Variants in RYR1 observed in about 807,000 individuals in gnomAD.
The protein encoded by RYR1 is central core disease of muscle.
A neutral mutation model predicts 583.5 loss-of-function variants in RYR1; 342 were observed. The observed-to-expected ratio is 0.59, with a 90% CI of 0.54 to 0.64. The LOEUF (loss-of-function observed/expected upper bound fraction) is 0.64, where lower values mean the gene tolerates loss of function less well. Ranked by LOEUF, RYR1 falls within the 30% of genes least tolerant of loss-of-function variation. The pLI, the probability that RYR1 is intolerant of heterozygous loss-of-function variation, is 0.00. For missense variants in RYR1, 6,032 were observed against 6,917.2 expected (o/e 0.87, Z 4.54); for synonymous variants, 2,791 against 2,822.5 (o/e 0.99, Z 0.35).
chr19:38,558,799 T>TA (rs1210939273), intron 89 of RYR1, among the ~76,000 whole-genome samples: 2 of 144,570 alleles, frequency 1.4e-5, no homozygotes, highest in Admixed American at 1.4e-4. Flanking sequence ...AATAATTTTT[T>TA]AAAAAAATAG....
At chr19:38,528,748 C>T (rs1385981978) in intron 75 of RYR1, 53 bp downstream of exon 75, 65 of 1,577,838 alleles carry the variant, frequency 4.1e-5, no homozygotes, top group Non-Finnish European at 5.1e-5. Flanking sequence ...AGGGCTGGGG[C>T]GGAGGCCACC....
Position 38,489,419 on chromosome 19 carries a change from G to C in RYR1, c.5790G>C (p.Lys1930Asn), listed in dbSNP as rs766612107. Residue 1930 changes from lysine (K) to asparagine (N), a missense_variant, in exon 35 of 106, where the codon AAG (lysine) becomes AAC (asparagine). Physicochemically the swap from Lys to Asn is moderately conservative, Grantham distance 94. Transcript: ENST00000359596. ...EGLEEGLLQMKLPESVKLQMC... is the reference protein window; with the variant it reads ...EGLEEGLLQMNLPESVKLQMC... ...TGGAGGAAGGGCTGCTCCAGATGAA[G>C]TTGCCAGAGTCTGTGAAGTTACAGG... The C allele has an allele frequency of 6.2e-7, 1 of 1,614,034 alleles. No homozygotes were observed. Among genetic ancestry groups the C allele is most frequent in the Admixed American group, 1.7e-5 (1 of 60,012 alleles).
chr19:38,538,587 T>C (rs1972075501), intron 84 of RYR1: 1 of 153,422 alleles, frequency 6.5e-6, no homozygotes, highest in African/African-American at 2.4e-5. Context: ...CAAAGTTCTA[T>C]ACACGTGGTG....
rs116411695 is a variant in RYR1 at position 38,489,106 on chromosome 19, G to A, written c.5548-71G>A. 6.2e-5 allele frequency: 85 copies of A among 1,376,568 alleles called. No homozygotes were observed. The African/African-American group carries it at 1.1e-3, about 18-fold the overall frequency. 85.3% of individuals were successfully genotyped at this position (1,376,568 alleles called of 1,614,324 possible). On this transcript the variant is annotated intron_variant, in intron 34 of 105. Coordinates refer to ENST00000359596, the MANE Select transcript of RYR1 (RefSeq NM_000540.3). ...GGCATGTGCATGAGGGGCAGGTCTG[G>A]AGAATGAGGCCAGGGCCTGATGATG... is the stretch of plus-strand genomic sequence containing the variant.
intron 81 of RYR1, 31 bp from the exon 82 acceptor site, chr19:38,535,966 A>AT: frequency 6.2e-7 from 1 of 1,605,484 alleles, no homozygotes; most frequent in South Asian, 1.1e-5. Context: ...GCTTCATCAC[A>AT]TACCCCCTAT....
chr19:38,572,580 C>A (rs1973770846), intron 95 of RYR1, among the ~76,000 whole-genome samples: 1 of 152,158 alleles, frequency 6.6e-6, no homozygotes, highest in East Asian at 1.9e-4. Flanking sequence ...TTCATACATG[C>A]TATTCCCTCT....
rs150872361 is a variant in RYR1, at chr19:38,500,504, G to C, written c.7324-102G>C. The stretch of plus-strand genomic sequence containing the variant: ...ACTCTAGACAGCCTCCTGAGAAAGA[G>C]GCCTGCTCTACCCTCCTGTGTGGTA... On this transcript the variant is annotated intron_variant, in intron 45 of 105. Transcript: ENST00000359596. This position sits in a 1 kb window ranked among gnomAD's most constrained non-coding sequence, Gnocchi z 5.9. The C allele has an allele frequency of 1.8e-4, 279 of 1,539,448 alleles. No homozygotes were observed. In the Middle Eastern group the frequency reaches 2.1e-3, roughly 12 times the overall value.
chr19:38,457,045 CCAAAAA>C (rs1261406899), intron 16 of RYR1, among the ~76,000 whole-genome samples: 22 of 19,590 alleles, frequency 1.1e-3, no homozygotes, highest in Admixed American at 5.6e-3. Flanking sequence ...GACTCCATCT[CCAAAAA>C]AAAAAAAAAA....
At position 38,535,207 on chromosome 19, in the gene RYR1, C is replaced by T. The variant is rs778533018; in HGVS notation, c.11426C>T (p.Ala3809Val). 2 of 1,613,974 alleles carry T rather than the reference C, an allele frequency of 1.2e-6. No homozygotes were observed. The highest frequency in any genetic ancestry group is 3.3e-5 in the Admixed American group (2 of 59,986). Residue 3809 changes from alanine (A) to valine (V), a missense_variant, in exon 80 of 106, where the codon GCT becomes GTT. By Grantham distance (64) the Ala-to-Val change is moderately conservative. Coordinates refer to ENST00000359596, the MANE Select transcript of RYR1 (RefSeq NM_000540.3). ...ATCTCCATCCTCAATGGAGGCAATGCTGAGGTCCAGCAGGTAACAGAGGCA... is the reference window on the plus strand; with the variant it reads ...ATCTCCATCCTCAATGGAGGCAATGTTGAGGTCCAGCAGGTAACAGAGGCA... ...LGISILNGGNAEVQQKMLDYL... is the reference protein window; with the variant it reads ...LGISILNGGNVEVQQKMLDYL...
At chr19:38,581,373 G>A (rs747613946) in intron 101 of RYR1, among the ~76,000 whole-genome samples, 5 of 152,118 alleles carry the variant, frequency 3.3e-5, no homozygotes, top group Admixed American at 2.6e-4. Context: ...CACTGCGCCC[G>A]GCCAATTTTT....
Position 38,496,255 on chromosome 19 carries a change from C to T in RYR1, c.6589C>T (p.Leu2197=). ...CAAAGTCTTCTACCAACACCCGAAC[C>T]TGATGAGGGCGCTGGGCATGCACGA... ...NNKVFYQHPN[L]MRALGMHETV... The change falls in exon 40 of 106, where the codon CTG becomes TTG. Residue 2197 remains leucine, a synonymous_variant. Coordinates refer to ENST00000359596, the MANE Select transcript of RYR1 (RefSeq NM_000540.3). This position sits in a 1 kb window ranked among gnomAD's most constrained non-coding sequence, Gnocchi z 4.8. The T allele has an allele frequency of 1.2e-6, 2 of 1,613,982 alleles. No homozygotes were observed. The highest frequency in any genetic ancestry group is 1.7e-6 in the Non-Finnish European group (2 of 1,180,046).
chr19:38,531,108 A>C (rs1447835747), intron 76 of RYR1, among the ~76,000 whole-genome samples: 1 of 149,156 alleles, frequency 6.7e-6, no homozygotes, highest in Non-Finnish European at 1.5e-5. Flanking sequence ...TGCTGGGATT[A>C]CAGGCACGAG....
Position 38,506,459 on chromosome 19 carries a change from A to G in RYR1, c.8617-12A>G, listed in dbSNP as rs2145636487. On this transcript the variant is annotated splice_polypyrimidine_tract_variant and intron_variant, in intron 55 of 105. Coordinates refer to ENST00000359596, the MANE Select transcript of RYR1 (RefSeq NM_000540.3). ...CTCTGAATCTAGCCCTTGACTCTGC[A>G]TCCACTCCCAGGCCATGGCAGAACA... The G allele has an allele frequency of 6.2e-7, 1 of 1,614,054 alleles. No homozygotes were observed. The highest frequency in any genetic ancestry group is 8.5e-7 in the Non-Finnish European group (1 of 1,179,994).
chr19:38,469,197 C>A, intron 26 of RYR1, 57 bp downstream of exon 26: 1 of 1,609,350 alleles, frequency 6.2e-7, no homozygotes, highest in Non-Finnish European at 8.5e-7. Context: ...CTCTCCCAAC[C>A]CTGCACTGCC....
chr19:38,452,958 GAGA>G lies in RYR1; in HGVS notation c.1387_1389del (p.Lys463del). ...TCCCTCCGAGGACTTGCAGCACGAG[GAGA>G]AGCAGAGCAAGCTGCGAAGCCTGCG... is the stretch of plus-strand genomic sequence containing the variant. On this transcript the variant is annotated inframe_deletion, in exon 13 of 106. Coordinates refer to ENST00000359596, the MANE Select transcript of RYR1 (RefSeq NM_000540.3). 1.2e-6 allele frequency: 2 copies of G among 1,614,010 alleles called. No homozygotes were observed. Among genetic ancestry groups the G allele is most frequent in the Non-Finnish European group, 1.7e-6 (2 of 1,179,890 alleles).
At chr19:38,562,401 G>A (rs1040042836) in intron 90 of RYR1, among the ~76,000 whole-genome samples, 5 of 151,272 alleles carry the variant, frequency 3.3e-5, no homozygotes, top group Non-Finnish European at 7.4e-5. Flanking sequence ...CTCCCCACAC[G>A]CCCCTGACAC....
rs1389867354 is a variant in RYR1, at chr19:38,463,469, A to G, written c.2624A>G (p.Glu875Gly). ...GAGCGCATTCGGGAGAAGCTGGCGG[A>G]GAACATCCACGAGCTCTGGGCGCTA... is the stretch of plus-strand genomic sequence containing the variant. ...HLERIREKLA[E>G]NIHELWALTR... The change falls in exon 21 of 106, where the codon GAG becomes GGG. Residue 875 changes from glutamate to glycine, a missense_variant. Glu to Gly is a moderately conservative substitution (Grantham distance 98). Coordinates refer to ENST00000359596, the MANE Select transcript of RYR1 (RefSeq NM_000540.3). 1 of 1,613,900 alleles carries G rather than the reference A, an allele frequency of 6.2e-7. No homozygotes were observed. Among genetic ancestry groups the G allele is most frequent in the Non-Finnish European group, 8.5e-7 (1 of 1,180,000 alleles).
intron 1 of RYR1, among the ~76,000 whole-genome samples, chr19:38,434,778 G>A (rs1309849258): frequency 1.3e-5 from 2 of 152,116 alleles, no homozygotes; most frequent in Non-Finnish European, 2.9e-5. Context: ...CGTAAATATG[G>A]GAGGGGACGT....
rs1971498225 is a variant in RYR1, at chr19:38,527,058, C to A, written c.10686+6C>A. 1 of 1,613,612 alleles carries A rather than the reference C, an allele frequency of 6.2e-7. No homozygotes were observed. The highest frequency in any genetic ancestry group is 8.5e-7 in the Non-Finnish European group (1 of 1,179,614). Reference sequence around the variant, plus strand: ...ACCTTCACCTTCAGGGAAAGGTATGCCTCCTTCCTCTGCAAGCAAAAGAAG... The same window carrying A: ...ACCTTCACCTTCAGGGAAAGGTATGACTCCTTCCTCTGCAAGCAAAAGAAG... On this transcript the variant is annotated splice_donor_region_variant and intron_variant, in intron 72 of 105. Transcript: ENST00000359596.
Sources: allele counts gnomAD v4.1 joint callset (sites outside exome capture counted in the v4.1 genomes callset), GRCh38; gene constraint gnomAD v4.1.1; non-coding constraint Gnocchi (gnomAD v3.1); transcripts MANE v1.5; gene names NCBI Gene and HGNC (gene_info 2026-07-23, HGNC 2026-07-21).